PTPRD: variants seen among roughly 807,000 people sequenced by gnomAD.
PTPRD encodes receptor-type tyrosine-protein phosphatase delta.
A neutral mutation model predicts 214.5 loss-of-function variants in PTPRD; 34 were observed. That is an observed-to-expected ratio of 0.16 (90% CI 0.12 to 0.21). The LOEUF is 0.21. Among genes scored for constraint, PTPRD ranks in the 10% least tolerant of loss-of-function variants. PTPRD has a pLI of 1.00. For synonymous variants in PTPRD, 1,128 were observed against 845.7 expected, an observed-to-expected ratio of 1.33 and a Z score of -5.79; for missense variants, 2,545 against 2,398.7, an observed-to-expected ratio of 1.06 and a Z score of -1.27.
chr9:9,394,890 A>G (rs988601591), intron 9 of PTPRD, among the ~76,000 whole-genome samples: 1 of 152,088 alleles, frequency 6.6e-6, no homozygotes, highest in African/African-American at 2.4e-5. Flanking sequence ...CTATATTTGT[A>G]ACAATTGCAC....
intron 3 of PTPRD, among the ~76,000 whole-genome samples, chr9:10,189,559 T>A (rs2099353349): frequency 6.6e-6 from 1 of 152,118 alleles, no homozygotes; most frequent in Non-Finnish European, 1.5e-5. Context: ...TAATATCACT[T>A]TTAAAAGGAA....
intron 9 of PTPRD, among the ~76,000 whole-genome samples, chr9:9,308,928 T>C (rs1302616719): frequency 6.6e-6 from 1 of 152,106 alleles, no homozygotes; most frequent in Non-Finnish European, 1.5e-5. Flanking sequence ...ACTATTGTGG[T>C]GAGATTTATA....
At chr9:8,339,091 G>A (rs1378114841) in intron 42 of PTPRD, 44 bp from the exon 43 acceptor site, 14 of 1,569,038 alleles carry the variant, frequency 8.9e-6, no homozygotes, top group African/African-American at 2.7e-5. Context: ...AAAGTATAAA[G>A]AACATTCTGT....
intron 11 of PTPRD, among the ~76,000 whole-genome samples, chr9:8,914,264 G>A (rs1031216650): frequency 6.6e-6 from 1 of 152,026 alleles, no homozygotes; most frequent in East Asian, 1.9e-4. Flanking sequence ...AAGGAAGAAT[G>A]CATTTGAATT....
chr9:10,116,941 C>T (rs990127165), intron 3 of PTPRD, among the ~76,000 whole-genome samples: 5 of 152,070 alleles, frequency 3.3e-5, no homozygotes, highest in Non-Finnish European at 5.9e-5. Context: ...TTTCAAATGT[C>T]GCCTTCTCTT....
At chr9:9,861,301 T>C (rs1201022949) in intron 5 of PTPRD, among the ~76,000 whole-genome samples, 1 of 152,140 alleles carries the variant, frequency 6.6e-6, no homozygotes, top group African/African-American at 2.4e-5. Flanking sequence ...TTTTTGCTTT[T>C]TGTTTTTGAG....
intron 9 of PTPRD, among the ~76,000 whole-genome samples, chr9:9,330,795 T>A (rs1334259260): frequency 2.6e-5 from 4 of 151,872 alleles, no homozygotes; most frequent in Admixed American, 2.0e-4. Flanking sequence ...ATATAAATAT[T>A]GAAAAGTACT....
chr9:10,292,727 T>C (rs575713901), intron 3 of PTPRD, among the ~76,000 whole-genome samples: 1 of 152,090 alleles, frequency 6.6e-6, no homozygotes, highest in East Asian at 1.9e-4. Context: ...ATTAATTTAT[T>C]TAACTTTCCG....
At chr9:8,588,689 T>A (rs956660669) in intron 14 of PTPRD, among the ~76,000 whole-genome samples, 1 of 152,124 alleles carries the variant, frequency 6.6e-6, no homozygotes, top group Non-Finnish European at 1.5e-5. Flanking sequence ...CAAGATAATA[T>A]AATACAAGAT....
chr9:8,551,390 A>AT (rs2082067746), intron 14 of PTPRD, among the ~76,000 whole-genome samples: 1 of 152,144 alleles, frequency 6.6e-6, no homozygotes, highest in South Asian at 2.1e-4. Flanking sequence ...ATCTCATTTT[A>AT]TTTTTGCTGT....
chr9:9,778,464 C>T (rs2098816747), intron 5 of PTPRD, among the ~76,000 whole-genome samples: 2 of 152,154 alleles, frequency 1.3e-5, no homozygotes, highest in African/African-American at 4.8e-5. Context: ...GCCATAGACG[C>T]CCATCCCCGG....
rs2136306176 is a variant in PTPRD at position 8,492,919 on chromosome 9, T to C, written c.2410A>G (p.Thr804Ala). ...CTGCGAGCACCATCTCCTTTGGTTG[T>C]GTAGGCTGTGACGGTGAGGGAGTAG... The part of the protein sequence containing the change: ...TSYSLTVTAY[T>A]TKGDGARSKP... The change falls in exon 27 of 46, where the codon ACA (threonine) becomes GCA (alanine). Residue 804 changes from threonine to alanine, a missense_variant. Transcript: ENST00000381196. 3.7e-6 allele frequency: 6 copies of C among 1,613,932 alleles called. No homozygotes were observed. The highest frequency in any genetic ancestry group is 1.1e-5 in the South Asian group (1 of 91,076).
chr9:8,447,876 G>A (rs754005373), intron 34 of PTPRD, among the ~76,000 whole-genome samples: 7 of 152,240 alleles, frequency 4.6e-5, no homozygotes, highest in East Asian at 3.9e-4. Context: ...AATCTGATCC[G>A]TTTTTCTATT....
chr9:8,666,944 A>G (rs967344672), intron 12 of PTPRD, among the ~76,000 whole-genome samples: 2 of 152,198 alleles, frequency 1.3e-5, no homozygotes, highest in Admixed American at 1.3e-4. Flanking sequence ...TATCTCTAAC[A>G]AGACACAAGC....
At chr9:8,676,379 T>C (rs1359200219) in intron 12 of PTPRD, among the ~76,000 whole-genome samples, 1 of 101,078 alleles carries the variant, frequency 9.9e-6, no homozygotes, top group Admixed American at 9.5e-5. Context: ...CTCATTTTCA[T>C]TTTTTTTTTT....
chr9:10,144,007 A>T (rs1283139056), intron 3 of PTPRD, among the ~76,000 whole-genome samples: 1 of 152,120 alleles, frequency 6.6e-6, no homozygotes, highest in East Asian at 1.9e-4. Flanking sequence ...AGCATCATTT[A>T]ATAAAACTTT....
chr9:9,569,703 G>A (rs2085754424), intron 8 of PTPRD, among the ~76,000 whole-genome samples: 1 of 151,558 alleles, frequency 6.6e-6, no homozygotes, highest in South Asian at 2.1e-4. Context: ...AGACAAATAG[G>A]AAAGTCTTAG....
chr9:9,952,243 C>T (rs1422218721), intron 4 of PTPRD, among the ~76,000 whole-genome samples: 1 of 152,018 alleles, frequency 6.6e-6, no homozygotes, highest in African/African-American at 2.4e-5. Flanking sequence ...TTCTTTTGTC[C>T]TGGTTAAAGG....
At chr9:10,385,971 C>G (rs925863567) in intron 2 of PTPRD, among the ~76,000 whole-genome samples, 1 of 151,646 alleles carries the variant, frequency 6.6e-6, no homozygotes, top group African/African-American at 2.4e-5. Context: ...ATCTTTTGAA[C>G]AATTATTTCT....
Sources: allele counts gnomAD v4.1 joint callset (sites outside exome capture counted in the v4.1 genomes callset), GRCh38; gene constraint gnomAD v4.1.1; transcripts MANE v1.5; gene names NCBI Gene and HGNC (gene_info 2026-07-23, HGNC 2026-07-21).